ANGPT2: variants seen among roughly 807,000 people sequenced by gnomAD.
ANGPT2 encodes the protein angiopoietin 2.
ANGPT2 carries 28 observed loss-of-function variants against 62.9 expected under a neutral mutation model. That is an observed-to-expected ratio of 0.44 (90% CI 0.33 to 0.61). ANGPT2 has a LOEUF of 0.61. ANGPT2 is among the 20% of genes least tolerant of loss of function. The probability of loss-of-function intolerance (pLI) is 0.03; values close to 1 mark genes in which losing one functional copy is unlikely to be tolerated. For synonymous variants in ANGPT2, 284 were observed against 207.8 expected (o/e 1.37, Z -3.15); for missense variants, 727 against 594.9 (o/e 1.22, Z -2.31).
intron 1 of ANGPT2, among the ~76,000 whole-genome samples, chr8:6,549,994 T>C (rs1308684508): frequency 6.6e-6 from 1 of 152,250 alleles, no homozygotes; most frequent in Non-Finnish European, 1.5e-5. Flanking sequence ...GGGTTGGCTT[T>C]GCCCAGGTGA....
rs556677528 is a variant in ANGPT2 at position 6,519,800 on chromosome 8, T to G, written c.927+64A>C. ...TGGGGAGAGACTTCTGCTCTCTGGT[T>G]CCTCACTCACTAAAGTGGCCTGCCT... On this transcript the variant is annotated intron_variant, in intron 5 of 8. Coordinates refer to ENST00000629816, the MANE Select transcript of ANGPT2 (RefSeq NM_001118887.2). 26 of 1,574,506 alleles carry G rather than the reference T, an allele frequency of 1.7e-5. No individual in the cohort carries two copies. The African/African-American group carries it at 2.7e-4, about 16-fold the overall frequency.
intron 1 of ANGPT2, among the ~76,000 whole-genome samples, chr8:6,545,549 T>G (rs1245503448): frequency 6.6e-6 from 1 of 152,226 alleles, no homozygotes; most frequent in East Asian, 1.9e-4. Context: ...AACTGTGGAT[T>G]AAACCATTCC....
chr8:6,521,791 A>C (rs1373291550), intron 3 of ANGPT2, among the ~76,000 whole-genome samples: 2 of 152,182 alleles, frequency 1.3e-5, no homozygotes, highest in African/African-American at 4.8e-5. Context: ...GAGAGTTTCA[A>C]CTGGGCTGGA....
At chr8:6,521,951 T>C (rs1817421823) in intron 3 of ANGPT2, among the ~76,000 whole-genome samples, 1 of 152,232 alleles carries the variant, frequency 6.6e-6, no homozygotes, top group Non-Finnish European at 1.5e-5. Context: ...TTACCAGCCC[T>C]GCGACTTGGA....
intron 5 of ANGPT2, among the ~76,000 whole-genome samples, chr8:6,514,991 A>G (rs536948190): frequency 3.6e-4 from 55 of 152,338 alleles, no homozygotes; most frequent in East Asian, 2.9e-3. Context: ...AAACATAAAC[A>G]GTAATATAAT....
At position 6,504,126 on chromosome 8, in the gene ANGPT2, G is replaced by C. The variant is rs994070752; in HGVS notation, c.1328-865C>G. Among the ~76,000 whole-genome samples, 16 of 152,008 alleles carry C rather than the reference G, an allele frequency of 1.1e-4. No homozygotes were observed. The South Asian group carries it at 3.3e-3, about 32-fold the overall frequency. On this transcript the variant is annotated intron_variant, in intron 8 of 8. Transcript: ENST00000629816. ...GAGATCAGGAGACCGAGACCATCCTGGCTAACACGGTGAAACCCCGTCTCT... is the reference window on the plus strand; with the variant it reads ...GAGATCAGGAGACCGAGACCATCCTCGCTAACACGGTGAAACCCCGTCTCT...
chr8:6,545,446 T>C (rs143931546), intron 1 of ANGPT2, among the ~76,000 whole-genome samples: 2 of 152,236 alleles, frequency 1.3e-5, no homozygotes, highest in African/African-American at 4.8e-5. Context: ...ATGGGTGGTT[T>C]TATTTGTCTC....
chr8:6,513,707 G>T lies in ANGPT2; in HGVS notation c.1167C>A (p.Phe389Leu). The T allele has an allele frequency of 6.2e-7, 1 of 1,612,932 alleles. No homozygotes were observed. Among genetic ancestry groups the T allele is most frequent in the Non-Finnish European group, 8.5e-7 (1 of 1,179,694 alleles). ...AATTGAGTTCTTCACTTGAGAGATAGAAATGTTCATACAATGAGTAAGCCT... is the reference window on the plus strand; with the variant it reads ...AATTGAGTTCTTCACTTGAGAGATATAAATGTTCATACAATGAGTAAGCCT... ...GNEAYSLYEH[F>L]YLSSEELNYR... Residue 389 changes from phenylalanine to leucine, a missense_variant, in exon 7 of 9, where the codon TTC (phenylalanine) becomes TTA (leucine). Phe to Leu is a conservative substitution (Grantham distance 22). Coordinates refer to ENST00000629816, the MANE Select transcript of ANGPT2 (RefSeq NM_001118887.2).
chr8:6,522,645 A>G (rs577855950), intron 3 of ANGPT2, among the ~76,000 whole-genome samples: 1 of 150,802 alleles, frequency 6.6e-6, no homozygotes, highest in Non-Finnish European at 1.5e-5. Flanking sequence ...GTGGGGGTAC[A>G]TGAATGTAAT....
Position 6,503,083 on chromosome 8 carries a change from T to G in ANGPT2, c.*18A>C, listed in dbSNP as rs1247379823. ...TTTGAAAATAGTTCGAGACAGTTCC[T>G]CAGGTGGACTGGGATGTTTAGAAAT... On this transcript the variant is annotated 3_prime_UTR_variant, in exon 9 of 9. Coordinates refer to ENST00000629816, the MANE Select transcript of ANGPT2 (RefSeq NM_001118887.2). 1 of 1,614,020 alleles carries G rather than the reference T, an allele frequency of 6.2e-7. No individual in the cohort carries two copies. The highest frequency in any genetic ancestry group is 1.1e-5 in the South Asian group (1 of 91,044).
At position 6,502,979 on chromosome 8, in the gene ANGPT2, T is replaced by G. The variant is rs545691477; in HGVS notation, c.*122A>C. 5 of 1,193,004 alleles carry G rather than the reference T, an allele frequency of 4.2e-6. No homozygotes were observed. In the South Asian group the frequency reaches 7.4e-5, roughly 18 times the overall value. The allele number at this position is 1,193,004 out of a possible 1,614,324, so 73.9% of individuals were successfully genotyped here. On this transcript the variant is annotated 3_prime_UTR_variant, in exon 9 of 9. Transcript: ENST00000629816. ...TCTAATCTGGAGCATGTGGGTCCCG[T>G]CAGCACCGAGCACACGCCCTCTGTG...
chr8:6,557,158 C>T (rs945413597), intron 1 of ANGPT2, among the ~76,000 whole-genome samples: 5 of 152,280 alleles, frequency 3.3e-5, no homozygotes, highest in Admixed American at 6.5e-5. Context: ...CCCAGCCCCA[C>T]GGAAAATTCT....
At chr8:6,539,634 T>C (rs1821165724) in intron 1 of ANGPT2, among the ~76,000 whole-genome samples, 1 of 152,206 alleles carries the variant, frequency 6.6e-6, no homozygotes. Context: ...TCTCTCAGGC[T>C]GGAGTGCAGC....
At chr8:6,521,514 T>G (rs1817332487) in intron 3 of ANGPT2, 104 bp from the exon 4 acceptor site, 2 of 862,840 alleles carry the variant, frequency 2.3e-6, no homozygotes, top group Non-Finnish European at 3.5e-6. Flanking sequence ...GATATTGTAG[T>G]GGTTATAAAG....
intron 1 of ANGPT2, among the ~76,000 whole-genome samples, chr8:6,540,641 C>T (rs527313446): frequency 2.0e-5 from 3 of 152,374 alleles, no homozygotes; most frequent in East Asian, 3.9e-4. Context: ...ATAGTTACAG[C>T]AGCTTACAAT....
intron 1 of ANGPT2, among the ~76,000 whole-genome samples, chr8:6,561,839 C>G (rs1417631459): frequency 6.6e-6 from 1 of 152,154 alleles, no homozygotes; most frequent in Non-Finnish European, 1.5e-5. Context: ...TTGGTTACGT[C>G]TCCATAAAAA....
chr8:6,515,455 A>G (rs1006718616), intron 5 of ANGPT2, among the ~76,000 whole-genome samples: 8 of 152,192 alleles, frequency 5.3e-5, no homozygotes, highest in Non-Finnish European at 8.8e-5. Context: ...TTCTCTGTAC[A>G]TAGCTCACTG....
chr8:6,524,641 A>C (rs907863624), intron 3 of ANGPT2, among the ~76,000 whole-genome samples: 6 of 152,224 alleles, frequency 3.9e-5, no homozygotes, highest in Non-Finnish European at 8.8e-5. Context: ...AAAATCAAGA[A>C]ATGAAAGCAT....
At chr8:6,515,665 A>T (rs1816129136) in intron 5 of ANGPT2, among the ~76,000 whole-genome samples, 1 of 152,258 alleles carries the variant, frequency 6.6e-6, no homozygotes. Context: ...TAAAGATTAC[A>T]GTAGAACGAA....
Sources: gnomAD v4.1 joint callset for allele counts (sites outside exome capture counted in the v4.1 genomes callset) on GRCh38, gnomAD v4.1.1 for gene constraint, MANE v1.5 for transcripts, NCBI Gene and HGNC (gene_info 2026-07-23, HGNC 2026-07-21) for gene names.